TMC1: variants seen among roughly 807,000 people sequenced by gnomAD.
TMC1 encodes transmembrane channel-like protein 1.
Under a neutral mutation model 105.8 loss-of-function variants are expected in TMC1, and 84 were observed. The observed-to-expected ratio is 0.79, with a 90% CI of 0.67 to 0.95. TMC1 has a LOEUF of 0.95. TMC1 is among the 40% of genes least tolerant of loss of function. TMC1 has a pLI of 0.00. For synonymous variants in TMC1, 315 were observed against 311.5 expected (o/e 1.01, Z -0.12); for missense variants, 817 against 914.1 (o/e 0.89, Z 1.37).
Position 72,754,858 on chromosome 9 carries a change from AACT to A in TMC1, c.716_718del (p.Asn239_Phe240delinsIle). 2 of 1,614,082 alleles carry A rather than the reference AACT, an allele frequency of 1.2e-6. No individual in the cohort carries two copies. The highest frequency in any genetic ancestry group is 1.7e-6 in the Non-Finnish European group (2 of 1,179,950). On this transcript the variant is annotated inframe_deletion, in exon 12 of 24. Transcript: ENST00000297784. ...CAGAGCCGAAGAGGCATCGGCAGCA[AACT>A]TTGGTGTGTTGTACGACTTCAATGT...
chr9:72,730,556 A>T (rs1827193898), intron 8 of TMC1, among the ~76,000 whole-genome samples: 1 of 152,172 alleles, frequency 6.6e-6, no homozygotes, highest in Non-Finnish European at 1.5e-5. Context: ...AGAGATTGTG[A>T]CTTAATTTAG....
intron 8 of TMC1, among the ~76,000 whole-genome samples, chr9:72,724,274 G>A (rs903443825): frequency 2.2e-4 from 33 of 152,152 alleles, no homozygotes; most frequent in African/African-American, 7.2e-4. Context: ...CTGGCACCTG[G>A]CAAGGGTCAT....
chr9:72,746,888 G>A (rs1002968082), intron 10 of TMC1, among the ~76,000 whole-genome samples: 19 of 152,142 alleles, frequency 1.2e-4, no homozygotes, highest in African/African-American at 4.3e-4. Context: ...CCTAAAACTC[G>A]ATGGTTGCTC....
chr9:72,770,393 A>G (rs893515183), intron 12 of TMC1, among the ~76,000 whole-genome samples: 1 of 145,952 alleles, frequency 6.9e-6, no homozygotes, highest in South Asian at 2.1e-4. Context: ...CTTTATATAT[A>G]TATATATGCA....
At chr9:72,805,207 TA>T (rs1363077411) in intron 17 of TMC1, 174 bp from the exon 18 acceptor site, 1 of 521,218 alleles carries the variant, frequency 1.9e-6, no homozygotes, top group Non-Finnish European at 3.3e-6. Context: ...TTTTAAGTAA[TA>T]AAGTCAGGGT....
chr9:72,681,884 A>C (rs2132177389), intron 5 of TMC1, among the ~76,000 whole-genome samples: 1 of 152,192 alleles, frequency 6.6e-6, no homozygotes, highest in South Asian at 2.1e-4. Flanking sequence ...TATTATATTT[A>C]TCAATTATTT....
intron 5 of TMC1, among the ~76,000 whole-genome samples, chr9:72,665,713 G>A (rs1372887817): frequency 6.6e-6 from 1 of 152,200 alleles, no homozygotes; most frequent in Non-Finnish European, 1.5e-5. Context: ...AGTTTACAGA[G>A]ATTAATCTAA....
At chr9:72,657,882 A>G (rs1402005550) in intron 5 of TMC1, among the ~76,000 whole-genome samples, 1 of 152,222 alleles carries the variant, frequency 6.6e-6, no homozygotes. Context: ...GACACAGTCT[A>G]TAGTTTAACA....
At chr9:72,591,594 A>G (rs1440242590) in intron 2 of TMC1, among the ~76,000 whole-genome samples, 1 of 152,184 alleles carries the variant, frequency 6.6e-6, no homozygotes, top group African/African-American at 2.4e-5. Context: ...ATGGTCTCAC[A>G]CTGTTGCGTA....
intron 4 of TMC1, among the ~76,000 whole-genome samples, chr9:72,647,761 G>A (rs150231002): frequency 7.1e-6 from 1 of 140,956 alleles, no homozygotes; most frequent in African/African-American, 2.6e-5. Context: ...CAGTATAAAT[G>A]TGCCACCAGG....
chr9:72,830,898 G>A (rs1047771443), intron 23 of TMC1, among the ~76,000 whole-genome samples: 1 of 152,022 alleles, frequency 6.6e-6, no homozygotes, highest in African/African-American at 2.4e-5. Context: ...AAAGAGAAAT[G>A]AAAATGTGGG....
intron 5 of TMC1, among the ~76,000 whole-genome samples, chr9:72,675,104 T>A (rs777460733): frequency 1.3e-5 from 2 of 152,126 alleles, no homozygotes; most frequent in Non-Finnish European, 2.9e-5. Context: ...CACACACATA[T>A]GCACACATAC....
At chr9:72,689,078 T>C (rs1280008373) in intron 6 of TMC1, among the ~76,000 whole-genome samples, 1 of 152,144 alleles carries the variant, frequency 6.6e-6, no homozygotes, top group Non-Finnish European at 1.5e-5. Flanking sequence ...GACCCAAAGA[T>C]AGAGAAAATT....
At chr9:72,815,666 A>C (rs1828775134) in intron 18 of TMC1, among the ~76,000 whole-genome samples, 1 of 152,186 alleles carries the variant, frequency 6.6e-6, no homozygotes, top group Non-Finnish European at 1.5e-5. Flanking sequence ...ATTCATTGCA[A>C]TATATCATAG....
intron 1 of TMC1, among the ~76,000 whole-genome samples, chr9:72,532,885 A>C (rs1448937084): frequency 6.6e-6 from 1 of 152,230 alleles, no homozygotes; most frequent in Non-Finnish European, 1.5e-5. Context: ...AGGCAAAGCA[A>C]ACTATTTTTA....
intron 1 of TMC1, among the ~76,000 whole-genome samples, chr9:72,545,519 ACT>A (rs1823752398): frequency 6.6e-6 from 1 of 151,988 alleles, no homozygotes; most frequent in African/African-American, 2.4e-5. Context: ...GCACAGTCTC[ACT>A]CTGTTGCCCA....
At chr9:72,631,997 C>T (rs1032850460) in intron 4 of TMC1, among the ~76,000 whole-genome samples, 1 of 152,110 alleles carries the variant, frequency 6.6e-6, no homozygotes, top group Non-Finnish European at 1.5e-5. Context: ...TGCATTAGTC[C>T]GTCCTTGCAT....
At chr9:72,756,150 C>T (rs1371694317) in intron 12 of TMC1, among the ~76,000 whole-genome samples, 2 of 152,192 alleles carry the variant, frequency 1.3e-5, no homozygotes, top group African/African-American at 4.8e-5. Context: ...TCACCCCTGT[C>T]AGTTGGACTT....
intron 3 of TMC1, among the ~76,000 whole-genome samples, chr9:72,627,576 G>A (rs1421407853): frequency 1.3e-5 from 2 of 152,178 alleles, no homozygotes. Flanking sequence ...CAAGCATTAT[G>A]ACAAGGATGG....
Sources: gnomAD v4.1 joint callset for allele counts (sites outside exome capture counted in the v4.1 genomes callset) on GRCh38, gnomAD v4.1.1 for gene constraint, MANE v1.5 for transcripts, NCBI Gene and HGNC (gene_info 2026-07-23, HGNC 2026-07-21) for gene names.